Variants in STPG2 observed in about 807,000 individuals in gnomAD.
STPG2 encodes the protein sperm-tail PG-rich repeat-containing protein 2.
In STPG2, 56 loss-of-function variants were observed where a neutral mutation model predicts 54.2. That is an observed-to-expected ratio of 1.03 (90% CI 0.83 to 1.29). The LOEUF (loss-of-function observed/expected upper bound fraction) is 1.29, where lower values mean the gene tolerates loss of function less well. Ranked by LOEUF, STPG2 falls within the 50% of genes most tolerant of loss-of-function variation. The pLI is 0.00. For missense variants in STPG2, 596 were observed against 544.9 expected, an observed-to-expected ratio of 1.09 and a Z score of -0.93; for synonymous variants, 200 against 181.8, an observed-to-expected ratio of 1.10 and a Z score of -0.81.
intron 10 of STPG2, among the ~76,000 whole-genome samples, chr4:97,577,125 C>T (rs1578400925): frequency 1.3e-5 from 2 of 152,266 alleles, no homozygotes; most frequent in African/African-American, 4.8e-5. Flanking sequence ...AAAGGGAACA[C>T]TCATACACTG....
intron 4 of STPG2, among the ~76,000 whole-genome samples, chr4:97,545,516 G>C (rs1431606586): frequency 1.3e-5 from 2 of 152,028 alleles, no homozygotes; most frequent in Non-Finnish European, 2.9e-5. Context: ...ATGGCCCTAA[G>C]CCATTAAAAA....
At chr4:97,837,544 T>A (rs749727091) in intron 9 of STPG2, among the ~76,000 whole-genome samples, 4 of 151,652 alleles carry the variant, frequency 2.6e-5, no homozygotes, top group Non-Finnish European at 4.4e-5. Flanking sequence ...TAAAACTTGG[T>A]GTAATAAGAA....
chr4:97,921,929 C>T (rs1467616865), intron 8 of STPG2, among the ~76,000 whole-genome samples: 1 of 152,066 alleles, frequency 6.6e-6, no homozygotes, highest in Non-Finnish European at 1.5e-5. Context: ...TACAGAAAGA[C>T]AAATTCTGCA....
At chr4:98,118,843 C>T (rs1739593118) in intron 3 of STPG2, among the ~76,000 whole-genome samples, 1 of 152,016 alleles carries the variant, frequency 6.6e-6, no homozygotes, top group Admixed American at 6.6e-5. Flanking sequence ...TCCCAAGGGT[C>T]AAATCTGGAA....
chr4:98,109,246 T>A lies in STPG2; in HGVS notation c.447A>T (p.Arg149Ser). The part of the protein sequence containing the change: ...KGIHFGNSSG[R>S]QELPKKSGPG... ...GACCTGACTTTTTAGGTAACTCTTG[T>A]CTTCCTGAAGAGTTGCCAAAATGTA... Residue 149 changes from arginine to serine, a missense_variant, in exon 4 of 11, where the codon AGA becomes AGT. Arg to Ser is a moderately radical substitution (Grantham distance 110, BLOSUM62 -1). Coordinates refer to ENST00000295268, the MANE Select transcript of STPG2 (RefSeq NM_174952.3). The A allele has an allele frequency of 6.2e-7, 1 of 1,611,738 alleles. No individual in the cohort carries two copies. The highest frequency in any genetic ancestry group is 8.5e-7 in the Non-Finnish European group (1 of 1,178,782).
chr4:97,848,521 C>G (rs1326890775), intron 8 of STPG2, among the ~76,000 whole-genome samples: 1 of 152,074 alleles, frequency 6.6e-6, no homozygotes, highest in African/African-American at 2.4e-5. Flanking sequence ...ATTTATAGGT[C>G]CTTTCATGTT....
At chr4:97,710,765 G>T (rs1454969453) in intron 10 of STPG2, among the ~76,000 whole-genome samples, 1 of 151,678 alleles carries the variant, frequency 6.6e-6, no homozygotes, top group African/African-American at 2.4e-5. Flanking sequence ...TTTAAAGAAG[G>T]AAAATTATGA....
intron 7 of STPG2, among the ~76,000 whole-genome samples, chr4:97,951,548 T>C (rs1244738560): frequency 6.6e-6 from 1 of 152,140 alleles, no homozygotes; most frequent in Non-Finnish European, 1.5e-5. Flanking sequence ...TATAGTTTAA[T>C]GTAGCCTAAT....
At chr4:98,052,370 C>G (rs965157914) in intron 5 of STPG2, among the ~76,000 whole-genome samples, 4 of 152,018 alleles carry the variant, frequency 2.6e-5, no homozygotes, top group Non-Finnish European at 5.9e-5. Context: ...ATAAAAATAG[C>G]TCATTAGTTT....
chr4:97,779,532 C>T (rs1035783344), intron 9 of STPG2, among the ~76,000 whole-genome samples: 4 of 152,048 alleles, frequency 2.6e-5, no homozygotes, highest in Non-Finnish European at 5.9e-5. Context: ...GGAGAACTTC[C>T]CCAACCTAGC....
chr4:97,774,621 G>A (rs1231396137), intron 9 of STPG2, among the ~76,000 whole-genome samples: 1 of 151,986 alleles, frequency 6.6e-6, no homozygotes, highest in South Asian at 2.1e-4. Flanking sequence ...GCTTTCTCTT[G>A]GTGGTACTTT....
chr4:97,813,677 TAAAAAAAAAAAAAAAAA>T lies in STPG2; in HGVS notation c.1204+27079_1204+27095del, dbSNP rs869298230. On this transcript the variant is annotated intron_variant, in intron 9 of 10. Coordinates refer to ENST00000295268, the MANE Select transcript of STPG2 (RefSeq NM_174952.3). ...GGCAGCATAGCAAGACCCTGTCTCT[TAAAAAAAAAAAAAAAAA>T]AAAAAAAAAAAAAAAAAGCATGTTT... is the stretch of plus-strand genomic sequence containing the variant. 2.3e-3 allele frequency among the ~76,000 whole-genome samples: 107 copies of T among 45,950 alleles called. 2 individuals are homozygous for T. The highest frequency in any genetic ancestry group is 3.5e-3 in the African/African-American group (44 of 12,700). 30.1% of individuals were successfully genotyped at this position (45,950 alleles called of 152,430 possible). A position where few individuals can be genotyped will look rare whatever the true frequency, so the allele number is the denominator to read the frequency against.
At chr4:98,119,836 T>C (rs1474812793) in intron 3 of STPG2, among the ~76,000 whole-genome samples, 1 of 152,148 alleles carries the variant, frequency 6.6e-6, no homozygotes, top group Non-Finnish European at 1.5e-5. Context: ...ACATGTTGTG[T>C]TTGGACTTCT....
chr4:97,777,450 A>G (rs1174066052), intron 9 of STPG2, among the ~76,000 whole-genome samples: 3 of 152,224 alleles, frequency 2.0e-5, no homozygotes, highest in South Asian at 2.1e-4. Context: ...TCCAATTCCT[A>G]TCAGGAATCT....
At chr4:97,846,967 A>C (rs1179919424) in intron 8 of STPG2, among the ~76,000 whole-genome samples, 4 of 152,168 alleles carry the variant, frequency 2.6e-5, no homozygotes, top group Non-Finnish European at 5.9e-5. Flanking sequence ...CAAATTCTTA[A>C]ATACATAATT....
intron 5 of STPG2, among the ~76,000 whole-genome samples, chr4:98,018,428 T>C (rs906600548): frequency 2.0e-5 from 3 of 152,248 alleles, no homozygotes; most frequent in Non-Finnish European, 4.4e-5. Flanking sequence ...TGTTGGACAT[T>C]TGGGTTGGTT....
Position 97,605,063 on chromosome 4 carries a change from C to T in STPG2, c.1321-45946G>A, listed in dbSNP as rs146115495. ...ACTGCCTTCAGTAACGGAAAATAAC[C>T]CATTAAAGAACAATGCTTAATTCTA... On this transcript the variant is annotated intron_variant, in intron 10 of 10. Transcript: ENST00000295268. Among the ~76,000 whole-genome samples, 74 of 151,700 alleles carry T rather than the reference C, an allele frequency of 4.9e-4. 1 individual carries two copies. The highest frequency in any genetic ancestry group is 1.7e-3 in the African/African-American group (69 of 41,460).
intron 9 of STPG2, among the ~76,000 whole-genome samples, chr4:97,833,123 A>G (rs1728520347): frequency 6.6e-6 from 1 of 152,220 alleles, no homozygotes; most frequent in African/African-American, 2.4e-5. Context: ...CTACAAGGCT[A>G]CAGTAACAAA....
chr4:97,598,796 T>TA (rs200769199), intron 10 of STPG2, among the ~76,000 whole-genome samples: 2,268 of 152,148 alleles, frequency 0.015, 52 homozygotes, highest in African/African-American at 0.052. Context: ...GCCTTAAATA[T>TA]AAAACCTAAA....
Sources: allele counts gnomAD v4.1 joint callset (sites outside exome capture counted in the v4.1 genomes callset), GRCh38; gene constraint gnomAD v4.1.1; transcripts MANE v1.5; gene names NCBI Gene and HGNC (gene_info 2026-07-23, HGNC 2026-07-21).